The following CNOT2 variants were observed in gnomAD, a reference collection of about 807,000 sequenced individuals.
CNOT2 encodes CCR4-NOT transcription complex subunit 2, also known as CC chemokine receptor 4-negative regulator of transcription 2.
A neutral mutation model predicts 72.1 loss-of-function variants in CNOT2; 7 were observed. The ratio of observed to expected loss-of-function variants is 0.10; its 90% CI spans 0.06 to 0.18. CNOT2 has a LOEUF of 0.18. Among genes scored for constraint, CNOT2 ranks in the 10% least tolerant of loss-of-function variants. CNOT2 has a pLI of 1.00. For missense variants in CNOT2, 345 were observed against 660.3 expected (o/e 0.52, Z 5.23); for synonymous variants, 196 against 225.6 (o/e 0.87, Z 1.17).
chr12:70,308,908 T>G (rs1267245041), intron 2 of CNOT2, among the ~76,000 whole-genome samples: 4 of 152,162 alleles, frequency 2.6e-5, no homozygotes, highest in African/African-American at 7.2e-5. Context: ...GAATAATTAT[T>G]GAATTATGCA....
chr12:70,294,371 T>A, intron 2 of CNOT2: 1 of 897,322 alleles, frequency 1.1e-6, no homozygotes, highest in South Asian at 1.4e-5. Context: ...TGGGCCATTT[T>A]ATCAATGAGT....
In CNOT2 at chr12:70,278,032, T is replaced by C. The variant is rs111748663; in HGVS notation, c.-95-100T>C. 2,641 of 484,904 alleles carry C rather than the reference T, an allele frequency of 5.4e-3. 61 individuals carry two copies. The highest frequency in any genetic ancestry group is 0.046 in the African/African-American group (2,318 of 50,860). 30.0% of individuals were successfully genotyped at this position (484,904 alleles called of 1,614,324 possible). On this transcript the variant is annotated intron_variant, in intron 1 of 15. Coordinates refer to ENST00000229195, the MANE Select transcript of CNOT2 (RefSeq NM_014515.7). ...AGACTAGAGTATAGAACAATTACTT[T>C]TTGTTTTTTGTTTTCTGTGTATCAT...
intron 3 of CNOT2, 59 bp downstream of exon 3, chr12:70,311,076 G>A: frequency 7.9e-7 from 1 of 1,259,226 alleles, no homozygotes; most frequent in South Asian, 1.3e-5. Context: ...CTGGGTTCCT[G>A]AAAAACAGCA....
chr12:70,319,577 A>T (rs1877937966), intron 4 of CNOT2, among the ~76,000 whole-genome samples: 1 of 151,830 alleles, frequency 6.6e-6, no homozygotes. Flanking sequence ...GATATAGCAT[A>T]GATTGAAATT....
intron 2 of CNOT2, among the ~76,000 whole-genome samples, chr12:70,282,162 T>G (rs554795733): frequency 1.1e-3 from 167 of 152,258 alleles, no homozygotes; most frequent in Non-Finnish European, 1.9e-3. Context: ...AAATGGAAAG[T>G]ATACTGGGTA....
At chr12:70,250,408 T>C (rs1004019764) in intron 1 of CNOT2, among the ~76,000 whole-genome samples, 2 of 152,164 alleles carry the variant, frequency 1.3e-5, no homozygotes, top group Admixed American at 6.5e-5. Context: ...GTTAGCACTC[T>C]AGATGTTTTC....
chr12:70,275,039 T>C (rs532598768), intron 1 of CNOT2, among the ~76,000 whole-genome samples: 4 of 152,210 alleles, frequency 2.6e-5, no homozygotes, highest in Non-Finnish European at 5.9e-5. Context: ...GTTGCTGAGT[T>C]GTATGGTAAG....
intron 2 of CNOT2, among the ~76,000 whole-genome samples, chr12:70,309,020 C>T (rs529495671): frequency 7.2e-5 from 11 of 152,202 alleles, no homozygotes; most frequent in African/African-American, 2.6e-4. Flanking sequence ...CTTCTAAAAT[C>T]TTATGTGTAG....
chr12:70,243,553 C>A (rs1211507026), intron 1 of CNOT2, 73 bp downstream of exon 1: 1 of 152,458 alleles, frequency 6.6e-6, no homozygotes, highest in Non-Finnish European at 1.5e-5. Flanking sequence ...GGGGCCCCCG[C>A]AAGGCGGGGG....
intron 4 of CNOT2, chr12:70,327,555 A>G (rs1879278066): frequency 6.6e-6 from 1 of 151,706 alleles, no homozygotes; most frequent in African/African-American, 2.4e-5. Flanking sequence ...TAAAATGGGA[A>G]CATTGAACTA....
chr12:70,266,141 T>C (rs548346859), intron 1 of CNOT2, among the ~76,000 whole-genome samples: 2 of 152,060 alleles, frequency 1.3e-5, no homozygotes, highest in South Asian at 2.1e-4. Context: ...GAGTTCTCTC[T>C]TGTTGCCCAG....
intron 2 of CNOT2, among the ~76,000 whole-genome samples, chr12:70,280,064 G>A (rs770771789): frequency 6.6e-6 from 1 of 152,102 alleles, no homozygotes; most frequent in African/African-American, 2.4e-5. Flanking sequence ...GTCTATATAA[G>A]AATGTATGGG....
chr12:70,350,808 G>A (rs999392723), intron 15 of CNOT2, among the ~76,000 whole-genome samples: 1 of 152,034 alleles, frequency 6.6e-6, no homozygotes, highest in African/African-American at 2.4e-5. Flanking sequence ...CCCAGAATAA[G>A]CAAAATCTCA....
Position 70,320,415 on chromosome 12 carries a change from T to C in CNOT2, c.238+1051T>C, listed in dbSNP as rs565728589. Among the ~76,000 whole-genome samples the C allele has an allele frequency of 2.6e-5, 4 of 151,884 alleles. No individual in the cohort carries two copies. The East Asian group carries it at 7.7e-4, about 29-fold the overall frequency. On this transcript the variant is annotated intron_variant, in intron 4 of 15. Coordinates refer to ENST00000229195, the MANE Select transcript of CNOT2 (RefSeq NM_014515.7). ...TGGTTTCCATTTACTTTTTTCTGTC[T>C]ATCTTTTGTGGCTTTTCTCTTTTTT...
At chr12:70,291,553 C>G (rs1170121610) in intron 2 of CNOT2, among the ~76,000 whole-genome samples, 1 of 152,192 alleles carries the variant, frequency 6.6e-6, no homozygotes, top group African/African-American at 2.4e-5. Flanking sequence ...ACACCGTGTT[C>G]ATAGTTAACA....
intron 2 of CNOT2, among the ~76,000 whole-genome samples, chr12:70,294,752 A>C (rs1365356555): frequency 6.6e-6 from 1 of 152,208 alleles, no homozygotes; most frequent in Non-Finnish European, 1.5e-5. Flanking sequence ...GGTATTAGGC[A>C]GGTAGCTATG....
At chr12:70,326,651 A>G (rs1459756657) in intron 4 of CNOT2, among the ~76,000 whole-genome samples, 1 of 151,776 alleles carries the variant, frequency 6.6e-6, no homozygotes, top group Non-Finnish European at 1.5e-5. Flanking sequence ...ACAAATCTTT[A>G]TATATACCTT....
At position 70,244,280 on chromosome 12, in the gene CNOT2, C is replaced by T. The variant is rs143703544; in HGVS notation, c.-96+800C>T. ...GCTTCTGTCTGTGAAGTTGCAAGTCCTGGGTTTCTACTTCCGCAGGGGCCT... is the reference window on the plus strand; with the variant it reads ...GCTTCTGTCTGTGAAGTTGCAAGTCTTGGGTTTCTACTTCCGCAGGGGCCT... On this transcript the variant is annotated intron_variant, in intron 1 of 15. Transcript: ENST00000229195. The T allele has an allele frequency of 6.6e-5, 10 of 152,370 alleles. No homozygotes were observed. In the East Asian group the frequency reaches 1.4e-3, roughly 21 times the overall value. 9.4% of individuals were successfully genotyped at this position (152,370 alleles called of 1,614,324 possible).
rs1395469981 is a variant in CNOT2, at chr12:70,338,474, G to A, written c.932G>A (p.Ser311Asn). The stretch of plus-strand genomic sequence containing the variant: ...AATACATCTGGCAAGACAACTTCAA[G>A]TACAGATGGACCCAAATTCCCTGGA... ...NLNTSGKTTS[S>N]TDGPKFPGDK... Residue 311 changes from serine to asparagine, a missense_variant, in exon 10 of 16, where the codon AGT becomes AAT. This residue lies in a region of CNOT2 where 128 missense variants were observed against 233.0 expected (regional missense o/e 0.55). Transcript: ENST00000229195. 6.2e-7 allele frequency: 1 copy of A among 1,611,942 alleles called. No individual in the cohort carries two copies. The highest frequency in any genetic ancestry group is 8.5e-7 in the Non-Finnish European group (1 of 1,179,190).
Sources: gnomAD v4.1 joint callset for allele counts (sites outside exome capture counted in the v4.1 genomes callset) on GRCh38, gnomAD v4.1.1 for gene constraint, gnomAD v4.1.1 regional missense constraint, MANE v1.5 for transcripts, NCBI Gene and HGNC (gene_info 2026-07-23, HGNC 2026-07-21) for gene names.